The following DSCAM variants were observed in gnomAD, a reference collection of about 807,000 sequenced individuals.
DSCAM encodes cell adhesion molecule DSCAM.
Under a neutral mutation model 217.7 loss-of-function variants are expected in DSCAM, and 47 were observed. That is an observed-to-expected ratio of 0.22 (90% confidence interval 0.17 to 0.28). The LOEUF is 0.28. Among genes scored for constraint, DSCAM ranks in the 10% least tolerant of loss-of-function variants. The probability of loss-of-function intolerance (pLI) is 1.00; values close to 1 mark genes in which losing one functional copy is unlikely to be tolerated. For missense variants in DSCAM, 2,080 were observed against 2,618.3 expected (o/e 0.79, Z 4.49); for synonymous variants, 1,056 against 1,015.3 (o/e 1.04, Z -0.76).
chr21:40,053,328 G>A (rs568135030), intron 29 of DSCAM, among the ~76,000 whole-genome samples: 1 of 152,196 alleles, frequency 6.6e-6, no homozygotes, highest in Non-Finnish European at 1.5e-5. Flanking sequence ...TTGGAGGTCC[G>A]GCCCCGTGGC....
At position 40,085,671 on chromosome 21, in the gene DSCAM, C is replaced by T. The variant is rs200670025; in HGVS notation, c.4063G>A (p.Gly1355Ser). The change falls in exon 23 of 33, where the codon GGC (glycine) becomes AGC (serine). Residue 1355 changes from glycine (G) to serine (S), a missense_variant. Around this residue, in one of 5 missense-constraint regions of DSCAM, gnomAD observed 1,144 missense variants for 1,421.1 expected, o/e 0.81. Coordinates refer to ENST00000400454, the MANE Select transcript of DSCAM (RefSeq NM_001389.5). ...TTATTGGCAATGCAGCTGTAATAGC[C>T]GGAGTCTTCTGCTTTCACCGTGCGA... The part of the protein sequence containing the change: ...IIRTVKAEDS[G>S]YYSCIANNNW... 2.3e-4 allele frequency: 370 copies of T among 1,595,714 alleles called. No homozygotes were observed. The highest frequency in any genetic ancestry group is 1.8e-3 in the Middle Eastern group (11 of 6,012).
intron 3 of DSCAM, among the ~76,000 whole-genome samples, chr21:40,573,024 A>T (rs2076820357): frequency 6.6e-6 from 1 of 152,180 alleles, no homozygotes; most frequent in African/African-American, 2.4e-5. Flanking sequence ...TTCCCCAGCA[A>T]ATCATAATGA....
chr21:40,764,538 G>A (rs1294164268), intron 1 of DSCAM, among the ~76,000 whole-genome samples: 1 of 152,168 alleles, frequency 6.6e-6, no homozygotes, highest in Admixed American at 6.5e-5. Flanking sequence ...GGAAGACAGT[G>A]TGGCGATTCC....
intron 3 of DSCAM, among the ~76,000 whole-genome samples, chr21:40,645,510 G>T (rs2089935551): frequency 1.3e-5 from 2 of 148,626 alleles, no homozygotes; most frequent in South Asian, 2.1e-4. Flanking sequence ...CTTTAATTCA[G>T]TTTTTTTTTT....
chr21:40,699,958 G>A lies in DSCAM; in HGVS notation c.362-7002C>T, dbSNP rs143868687. On this transcript the variant is annotated intron_variant, in intron 2 of 32. Transcript: ENST00000400454. ...AGATATCCTTCTATTAAAAGAAAAT[G>A]CCATCCAGGATTTTCATAGCTAGAG... Among the ~76,000 whole-genome samples the A allele has an allele frequency of 9.1e-3, 1,380 of 152,268 alleles. 22 individuals are homozygous for A. Among genetic ancestry groups the A allele is most frequent in the African/African-American group, 0.031 (1,308 of 41,558 alleles).
At chr21:40,515,147 G>A (rs985559943) in intron 3 of DSCAM, among the ~76,000 whole-genome samples, 5 of 152,042 alleles carry the variant, frequency 3.3e-5, no homozygotes, top group African/African-American at 9.7e-5. Flanking sequence ...AAGTGTTGAC[G>A]TTCCAGATTT....
At chr21:40,278,870 A>C (rs2073723776) in intron 10 of DSCAM, among the ~76,000 whole-genome samples, 1 of 152,212 alleles carries the variant, frequency 6.6e-6, no homozygotes, top group Admixed American at 6.5e-5. Flanking sequence ...TAAAAAACTT[A>C]TTTACAAAAA....
intron 3 of DSCAM, among the ~76,000 whole-genome samples, chr21:40,452,237 T>TAC (rs71186937): frequency 0.049 from 7,012 of 144,356 alleles, 177 homozygotes; most frequent in Middle Eastern, 0.071. Context: ...TACACTATAT[T>TAC]ACACACACAC....
At chr21:40,074,970 G>T in intron 27 of DSCAM, 67 bp downstream of exon 27, 2 of 1,534,422 alleles carry the variant, frequency 1.3e-6, no homozygotes, top group Non-Finnish European at 1.8e-6. Flanking sequence ...TCTCCAGCTG[G>T]CATCTCTCCC....
chr21:40,569,741 G>A (rs2076792011), intron 3 of DSCAM, among the ~76,000 whole-genome samples: 1 of 152,172 alleles, frequency 6.6e-6, no homozygotes, highest in Admixed American at 6.5e-5. Context: ...CCTTTCAGGA[G>A]CTTCAATTAT....
intron 3 of DSCAM, among the ~76,000 whole-genome samples, chr21:40,568,106 T>C (rs549482534): frequency 9.8e-5 from 15 of 152,324 alleles, no homozygotes; most frequent in Admixed American, 5.9e-4. Context: ...TAAACTATGT[T>C]TGATTGAAGC....
chr21:40,802,206 C>T (rs1384854229), intron 1 of DSCAM, among the ~76,000 whole-genome samples: 2 of 152,222 alleles, frequency 1.3e-5, no homozygotes, highest in East Asian at 1.9e-4. Context: ...AAGGAGATTA[C>T]TCTCAAGCTT....
intron 28 of DSCAM, among the ~76,000 whole-genome samples, chr21:40,058,706 A>C (rs1352601184): frequency 6.6e-6 from 1 of 152,188 alleles, no homozygotes; most frequent in East Asian, 1.9e-4. Flanking sequence ...GTCACTTTTG[A>C]CAATCTATTG....
chr21:40,323,811 C>T (rs781719907), intron 8 of DSCAM, among the ~76,000 whole-genome samples: 6 of 151,868 alleles, frequency 4.0e-5, no homozygotes, highest in East Asian at 1.9e-4. Flanking sequence ...AATATAACAA[C>T]GAAGTAAGGG....
chr21:40,166,680 C>T (rs1434186550), intron 16 of DSCAM, among the ~76,000 whole-genome samples: 1 of 152,240 alleles, frequency 6.6e-6, no homozygotes, highest in Non-Finnish European at 1.5e-5. Context: ...AAGTAACCAG[C>T]AGCCAGTCTG....
chr21:40,834,426 AAATAATAATAATAAT>A (rs57612141), intron 1 of DSCAM, among the ~76,000 whole-genome samples: 10,374 of 141,458 alleles, frequency 0.073, 475 homozygotes, highest in South Asian at 0.15. Context: ...AATAATAATA[AAATAATAATAATAAT>A]AATAATAATA....
intron 3 of DSCAM, among the ~76,000 whole-genome samples, chr21:40,579,893 G>A (rs1305168125): frequency 2.0e-5 from 3 of 152,048 alleles, no homozygotes; most frequent in Non-Finnish European, 2.9e-5. Context: ...GGGATGTCAC[G>A]TAGAAGGTGG....
chr21:40,824,867 C>A (rs1380176575), intron 1 of DSCAM, among the ~76,000 whole-genome samples: 1 of 152,200 alleles, frequency 6.6e-6, no homozygotes, highest in Non-Finnish European at 1.5e-5. Context: ...AAAGCATACA[C>A]AACCTTAAAA....
intron 20 of DSCAM, among the ~76,000 whole-genome samples, chr21:40,100,524 T>C (rs963094611): frequency 6.6e-6 from 1 of 152,224 alleles, no homozygotes; most frequent in Non-Finnish European, 1.5e-5. Context: ...GCATATTTTA[T>C]TACGTAGCAC....
Sources: allele counts gnomAD v4.1 joint callset (sites outside exome capture counted in the v4.1 genomes callset), GRCh38; gene constraint gnomAD v4.1.1; regional missense constraint gnomAD v4.1.1; transcripts MANE v1.5; gene names NCBI Gene and HGNC (gene_info 2026-07-23, HGNC 2026-07-21).